UBR4: variants seen among roughly 807,000 people sequenced by gnomAD.
UBR4 encodes the protein E3 ubiquitin-protein ligase UBR4.
Under a neutral mutation model 575.6 loss-of-function variants are expected in UBR4, and 124 were observed. The observed-to-expected ratio is 0.22, with a 90% CI of 0.19 to 0.25. The LOEUF (loss-of-function observed/expected upper bound fraction) is 0.25, where lower values mean the gene tolerates loss of function less well. Ranked by LOEUF, UBR4 falls within the 10% of genes least tolerant of loss-of-function variation. The pLI is 1.00. For synonymous variants in UBR4, 2,455 were observed against 2,473.7 expected (o/e 0.99, Z 0.22); for missense variants, 4,818 against 6,478.8 (o/e 0.74, Z 8.80).
chr1:19,167,591 T>C (rs907402132), intron 28 of UBR4, among the ~76,000 whole-genome samples: 1 of 152,190 alleles, frequency 6.6e-6, no homozygotes, highest in Non-Finnish European at 1.5e-5. Context: ...GGAACCTGGA[T>C]CACTTTTAGG....
At chr1:19,105,310 G>A (rs986721404) in intron 84 of UBR4, 121 bp from the exon 85 acceptor site, 7 of 1,213,766 alleles carry the variant, frequency 5.8e-6, no homozygotes, top group East Asian at 5.1e-5. Context: ...CTGCTTCCTA[G>A]AGGGTGGAGG....
chr1:19,198,105 G>C, intron 5 of UBR4, 56 bp from the exon 6 acceptor site: 1 of 1,545,522 alleles, frequency 6.5e-7, no homozygotes, highest in Non-Finnish European at 8.9e-7. Context: ...CAAACCAACT[G>C]TCAAAAGTGA....
intron 57 of UBR4, among the ~76,000 whole-genome samples, 176 bp from the exon 58 acceptor site, chr1:19,141,068 G>C (rs559629091): frequency 1.3e-5 from 2 of 152,228 alleles, no homozygotes; most frequent in Non-Finnish European, 2.9e-5. Context: ...TACAGAGATG[G>C]TGGAATGCTT....
intron 89 of UBR4, 152 bp from the exon 90 acceptor site, chr1:19,099,829 G>T: frequency 1.5e-6 from 1 of 650,634 alleles, no homozygotes; most frequent in Non-Finnish European, 2.6e-6. Context: ...AAATCCGCAC[G>T]TATGAAAAAC....
Position 19,141,731 on chromosome 1 carries a change from C to T in UBR4, c.8226G>A (p.Gln2742=). 1 of 1,614,224 alleles carries T rather than the reference C, an allele frequency of 6.2e-7. No homozygotes were observed. The highest frequency in any genetic ancestry group is 2.2e-5 in the East Asian group (1 of 44,882). Reference sequence around the variant, plus strand: ...GACCACCATTCGGGATCCCTGATGACTGCATTTTCTCATCTGCATCATCAT... The same window carrying T: ...GACCACCATTCGGGATCCCTGATGATTGCATTTTCTCATCTGCATCATCAT... ...DDDDDADEKM[Q]SSGIPNGGHI... Residue 2742 remains glutamine, a synonymous_variant, in exon 56 of 106, where the codon CAG becomes CAA. Transcript: ENST00000375254.
rs892129351 is a variant in UBR4 at position 19,160,424 on chromosome 1, T to C, written c.5407-143A>G. On this transcript the variant is annotated intron_variant, in intron 38 of 105. Coordinates refer to ENST00000375254, the MANE Select transcript of UBR4 (RefSeq NM_020765.3). ...GTTGGATATTCTAGCCATCTTCTCATTCTCATAATCCTGGCATTGATTCCA... is the reference window on the plus strand; with the variant it reads ...GTTGGATATTCTAGCCATCTTCTCACTCTCATAATCCTGGCATTGATTCCA... 2.4e-5 allele frequency: 20 copies of C among 824,186 alleles called. No homozygotes were observed. In the African/African-American group the frequency reaches 3.1e-4, roughly 13 times the overall value. The allele number at this position is 824,186 out of a possible 1,614,324, so 51.1% of individuals were successfully genotyped here.
Position 19,193,476 on chromosome 1 carries a change from T to A in UBR4, c.1100A>T (p.Glu367Val). The change falls in exon 9 of 106, where the codon GAA (glutamate) becomes GTA (valine). Residue 367 changes from glutamate (E) to valine (V), a missense_variant. This residue lies in a region of UBR4 where 131 missense variants were observed against 214.5 expected (regional missense o/e 0.61). Transcript: ENST00000375254. The part of the protein sequence containing the change: ...QVRTGSTSSK[E>V]DDYESDAATI... Reference sequence around the variant, plus strand: ...AGCTGCGTCACTTTCATAGTCATCTTCTTTGGAGCTCGTGGACCCTGTCCG... The same window carrying A: ...AGCTGCGTCACTTTCATAGTCATCTACTTTGGAGCTCGTGGACCCTGTCCG... The A allele has an allele frequency of 1.9e-6, 3 of 1,614,232 alleles. No individual in the cohort carries two copies. In the South Asian group the frequency reaches 3.3e-5, roughly 18 times the overall value.
intron 54 of UBR4, 48 bp downstream of exon 54, chr1:19,144,738 G>A: frequency 6.4e-7 from 1 of 1,568,592 alleles, no homozygotes. Flanking sequence ...CAATTTTCCA[G>A]ATATTCCCTG....
Position 19,110,018 on chromosome 1 carries a change from G to A in UBR4, c.12105+78C>T. On this transcript the variant is annotated intron_variant, in intron 81 of 105. Coordinates refer to ENST00000375254, the MANE Select transcript of UBR4 (RefSeq NM_020765.3). This position sits in a 1 kb window ranked among gnomAD's most constrained non-coding sequence, Gnocchi z 4.5. ...CTCAAGGCAAAGCGGAGACCATGAG[G>A]AGGCAGGGCACACTGCCAGGGAATG... 1 of 1,595,440 alleles carries A rather than the reference G, an allele frequency of 6.3e-7. No individual in the cohort carries two copies. The highest frequency in any genetic ancestry group is 1.3e-5 in the African/African-American group (1 of 74,726).
intron 58 of UBR4, 33 bp downstream of exon 58, chr1:19,140,755 C>A: frequency 6.3e-7 from 1 of 1,596,522 alleles, no homozygotes. Context: ...GGTCCTGGGG[C>A]CCTGAGCCGT....
intron 65 of UBR4, 117 bp downstream of exon 65, chr1:19,124,424 T>C: frequency 7.2e-7 from 1 of 1,380,912 alleles, no homozygotes; most frequent in South Asian, 1.5e-5. Context: ...CCTACAAAGG[T>C]GAAAGGGACT....
intron 60 of UBR4, among the ~76,000 whole-genome samples, chr1:19,134,350 C>T (rs2082940540): frequency 6.6e-6 from 1 of 152,046 alleles, no homozygotes; most frequent in Non-Finnish European, 1.5e-5. Flanking sequence ...GTCCTTGAGC[C>T]TAGGCATTCA....
intron 102 of UBR4, among the ~76,000 whole-genome samples, chr1:19,084,160 C>T (rs1158236723): frequency 6.6e-6 from 1 of 152,236 alleles, no homozygotes; most frequent in African/African-American, 2.4e-5. Context: ...AGAGAACAGT[C>T]TGGAAAGTAG....
intron 27 of UBR4, 107 bp downstream of exon 27, chr1:19,169,328 T>G: frequency 1.2e-6 from 1 of 868,878 alleles, no homozygotes; most frequent in Non-Finnish European, 1.7e-6. Flanking sequence ...CTGCAGTATA[T>G]GAAGATATCT....
intron 60 of UBR4, among the ~76,000 whole-genome samples, chr1:19,135,222 C>G (rs372959390): frequency 2.6e-5 from 4 of 152,118 alleles, no homozygotes; most frequent in East Asian, 1.9e-4. Context: ...ATCAGATGAT[C>G]AGGTATGTGA....
intron 11 of UBR4, among the ~76,000 whole-genome samples, chr1:19,191,200 T>C (rs2092048122): frequency 6.6e-6 from 1 of 152,230 alleles, no homozygotes; most frequent in African/African-American, 2.4e-5. Context: ...CTGGGCGCAG[T>C]GGCTCACACC....
Position 19,093,346 on chromosome 1 carries a change from T to C in UBR4, c.14078A>G (p.Asp4693Gly), listed in dbSNP as rs764444528. 10 of 1,614,076 alleles carry C rather than the reference T, an allele frequency of 6.2e-6. No homozygotes were observed. Among genetic ancestry groups the C allele is most frequent in the Non-Finnish European group, 8.5e-6 (10 of 1,180,044 alleles). The change falls in exon 96 of 106, where the codon GAC (aspartate) becomes GGC (glycine). Residue 4693 changes from aspartate to glycine, a missense_variant. Physicochemically the swap from Asp to Gly is moderately conservative, Grantham distance 94. Coordinates refer to ENST00000375254, the MANE Select transcript of UBR4 (RefSeq NM_020765.3). This position sits in a 1 kb window ranked among gnomAD's most constrained non-coding sequence, Gnocchi z 4.8. The part of the protein sequence containing the change: ...LQKGITQNAL[D>G]YMKKHIPSAK... ...GCTAGGGATGTGCTTTTTCATGTAG[T>C]CAAGTGCATTCTGGGTGATCCCCTT...
intron 70 of UBR4, among the ~76,000 whole-genome samples, chr1:19,119,338 C>T (rs1290782890): frequency 1.3e-5 from 2 of 152,214 alleles, no homozygotes; most frequent in Non-Finnish European, 2.9e-5. Context: ...CCCCACCTGA[C>T]CTTGACCTAC....
chr1:19,087,970 ACACCCTCTCC>A, intron 98 of UBR4, 41 bp from the exon 99 acceptor site: 1 of 1,505,884 alleles, frequency 6.6e-7, no homozygotes, highest in Non-Finnish European at 9.1e-7. Context: ...GGATTTCCAC[ACACCCTCTCC>A]CACCCTAGCT....
Sources: allele counts gnomAD v4.1 joint callset (sites outside exome capture counted in the v4.1 genomes callset), GRCh38; gene constraint gnomAD v4.1.1; regional missense constraint gnomAD v4.1.1; non-coding constraint Gnocchi (gnomAD v3.1); transcripts MANE v1.5; gene names NCBI Gene and HGNC (gene_info 2026-07-23, HGNC 2026-07-21).